SCOC: variants seen among roughly 807,000 people sequenced by gnomAD.
The protein encoded by SCOC is short coiled coil protein.
In SCOC, 7 loss-of-function variants were observed where a neutral mutation model predicts 9.9. The ratio of observed to expected loss-of-function variants is 0.71; its 90% CI spans 0.40 to 1.33. The LOEUF (loss-of-function observed/expected upper bound fraction) is 1.33, where lower values mean the gene tolerates loss of function less well. Among genes scored for constraint, SCOC ranks in the 40% most tolerant of loss-of-function variants. The pLI is 0.01. For synonymous variants in SCOC, 19 were observed against 28.2 expected, an observed-to-expected ratio of 0.67 and a Z score of 1.03; for missense variants, 66 against 89.7, an observed-to-expected ratio of 0.74 and a Z score of 1.07.
At chr4:140,335,550 CAAAGAAAGAGA>C (rs941897084) in intron 1 of SCOC, among the ~76,000 whole-genome samples, 39 of 152,294 alleles carry the variant, frequency 2.6e-4, no homozygotes, top group African/African-American at 8.9e-4. Flanking sequence ...AAATTACTCC[CAAAGAAAGAGA>C]ACCTTTTATA....
At chr4:140,333,204 T>C (rs754718185) in intron 1 of SCOC, among the ~76,000 whole-genome samples, 1 of 152,084 alleles carries the variant, frequency 6.6e-6, no homozygotes, top group Non-Finnish European at 1.5e-5. Context: ...TCCAATGTCA[T>C]TGCATCAGCC....
chr4:140,311,948 A>G lies in SCOC; in HGVS notation c.-18-31673A>G, dbSNP rs1366101110. Reference sequence around the variant, plus strand: ...GAGGATGCATCTTTAGAATGTGTCAATGGGAAAGTATGCCGTACTTTAAAA... The same window carrying G: ...GAGGATGCATCTTTAGAATGTGTCAGTGGGAAAGTATGCCGTACTTTAAAA... On this transcript the variant is annotated intron_variant, in intron 1 of 4. Transcript: ENST00000394205. 2.6e-5 allele frequency among the ~76,000 whole-genome samples: 4 copies of G among 152,230 alleles called. No homozygotes were observed. In the South Asian group the frequency reaches 6.2e-4, roughly 24 times the overall value.
rs144421276 is a variant in SCOC, at chr4:140,302,031, G to A, written c.-18-41590G>A. ...GTATTTTTTGCATAGACAGGGTTTC[G>A]CCATGTTACCCAGGCTGGTCTCAAA... On this transcript the variant is annotated intron_variant, in intron 1 of 4. Coordinates refer to the SCOC transcript ENST00000394205. Among the ~76,000 whole-genome samples, 682 of 152,100 alleles carry A rather than the reference G, an allele frequency of 4.5e-3. 4 individuals carry two copies. Among genetic ancestry groups the A allele is most frequent in the African/African-American group, 0.016 (647 of 41,484 alleles).
At chr4:140,268,521 C>T (rs532325243) in intron 1 of SCOC, among the ~76,000 whole-genome samples, 6 of 152,282 alleles carry the variant, frequency 3.9e-5, no homozygotes, top group African/African-American at 1.4e-4. Flanking sequence ...GCTGGAAGAG[C>T]ACGAGCTGCA....
chr4:140,336,397 T>C (rs1448624496), intron 1 of SCOC, among the ~76,000 whole-genome samples: 1 of 152,164 alleles, frequency 6.6e-6, no homozygotes, highest in Non-Finnish European at 1.5e-5. Flanking sequence ...TCTTCTCTCA[T>C]CCCCTGACAA....
At chr4:140,379,236 A>C in intron 2 of SCOC, 44 bp downstream of exon 2, 1 of 1,312,120 alleles carries the variant, frequency 7.6e-7, no homozygotes. Context: ...GGTTTTGTGG[A>C]TGCTTTTGCT....
At chr4:140,375,624 G>A (rs1278500257) in intron 1 of SCOC, among the ~76,000 whole-genome samples, 2 of 152,204 alleles carry the variant, frequency 1.3e-5, no homozygotes, top group African/African-American at 2.4e-5. Flanking sequence ...GGTCACAGGT[G>A]TGTGTGCATG....
At chr4:140,328,383 G>A in intron 1 of SCOC, among the ~76,000 whole-genome samples, 1 of 152,152 alleles carries the variant, frequency 6.6e-6, no homozygotes, top group East Asian at 1.9e-4. Context: ...ACACAACCAA[G>A]CAAGGGACAA....
At chr4:140,376,595 T>C (rs1303179391) in intron 1 of SCOC, 4 of 152,198 alleles carry the variant, frequency 2.6e-5, no homozygotes, top group Admixed American at 2.0e-4. Context: ...TACCCTAATC[T>C]TGAGTGTAAG....
intron 1 of SCOC, among the ~76,000 whole-genome samples, chr4:140,307,076 T>C (rs1194638205): frequency 6.6e-6 from 1 of 152,146 alleles, no homozygotes; most frequent in African/African-American, 2.4e-5. Flanking sequence ...ACGTTGTTCA[T>C]CTTTTCCACC....
intron 1 of SCOC, among the ~76,000 whole-genome samples, chr4:140,268,957 C>T (rs989863318): frequency 6.6e-5 from 10 of 152,064 alleles, no homozygotes; most frequent in African/African-American, 4.8e-5. Flanking sequence ...GCGATTCTGA[C>T]GGGTATATGG....
At chr4:140,373,818 C>T (rs968842982) in intron 1 of SCOC, 101 bp downstream of exon 1, 2 of 1,287,484 alleles carry the variant, frequency 1.6e-6, no homozygotes, top group Non-Finnish European at 2.2e-6. Context: ...CTGGACGCGG[C>T]CCTGCGCACC....
intron 1 of SCOC, among the ~76,000 whole-genome samples, chr4:140,279,811 T>G (rs1421968098): frequency 6.6e-6 from 1 of 152,140 alleles, no homozygotes; most frequent in Non-Finnish European, 1.5e-5. Context: ...TTTTTCTCTC[T>G]CCCAGGCCAG....
intron 1 of SCOC, 115 bp from the exon 2 acceptor site, chr4:140,379,006 T>C: frequency 1.5e-6 from 1 of 683,558 alleles, no homozygotes; most frequent in Non-Finnish European, 2.7e-6. Context: ...TTATTCTTAG[T>C]AAAGCATATG....
chr4:140,259,459 T>TA (rs1235006207), intron 1 of SCOC, among the ~76,000 whole-genome samples: 1 of 152,238 alleles, frequency 6.6e-6, no homozygotes, highest in Admixed American at 6.5e-5. Flanking sequence ...ATTAATCTTT[T>TA]AAAAGTACTA....
chr4:140,380,136 T>A (rs1043860931), intron 3 of SCOC, among the ~76,000 whole-genome samples: 2 of 152,008 alleles, frequency 1.3e-5, no homozygotes, highest in South Asian at 4.2e-4. Context: ...CTGATTTACA[T>A]TTTACAGAGT....
upstream of SCOC, among the ~76,000 whole-genome samples, chr4:140,370,579 C>T (rs537272099): frequency 6.6e-6 from 1 of 152,246 alleles, no homozygotes; most frequent in South Asian, 2.1e-4. Flanking sequence ...AGTTTGGGAC[C>T]TGAGTTCTGT....
In SCOC at chr4:140,383,350, T is replaced by C. The variant is rs1221854769; in HGVS notation, c.*2246T>C. The C allele has an allele frequency of 6.6e-6, 1 of 152,242 alleles. No individual in the cohort carries two copies. The highest frequency in any genetic ancestry group is 1.9e-4 in the East Asian group (1 of 5,190). 9.4% of individuals were successfully genotyped at this position (152,242 alleles called of 1,614,324 possible). ...CCTTTACATGTGGCTTCTAATAGTC[T>C]GACAATCTCTAAACTGATAGGCAAA... is the stretch of plus-strand genomic sequence containing the variant. On this transcript the variant is annotated 3_prime_UTR_variant, in exon 4 of 4. Transcript: ENST00000608372.
chr4:140,333,326 G>A (rs68011130), intron 1 of SCOC, among the ~76,000 whole-genome samples: 29,855 of 151,774 alleles, frequency 0.2, 3,821 homozygotes, highest in African/African-American at 0.36. Flanking sequence ...TTGGATGTGT[G>A]TGTGTTTAGG....
Sources: gnomAD v4.1 joint callset for allele counts (sites outside exome capture counted in the v4.1 genomes callset) on GRCh38, gnomAD v4.1.1 for gene constraint, MANE v1.5 for transcripts, NCBI Gene and HGNC (gene_info 2026-07-23, HGNC 2026-07-21) for gene names.